Variants in TM9SF4 observed in about 807,000 individuals in gnomAD.
The protein encoded by TM9SF4 is dinucleotide oxidase disulfide thiol exchanger 3 superfamily member 4.
Under a neutral mutation model 90.4 loss-of-function variants are expected in TM9SF4, and 26 were observed. The observed-to-expected ratio is 0.29, with a 90% CI of 0.21 to 0.40. TM9SF4 has a LOEUF of 0.40. Ranked by LOEUF, TM9SF4 falls within the 10% of genes least tolerant of loss-of-function variation. TM9SF4 has a pLI of 1.00. For synonymous variants in TM9SF4, 293 were observed against 315.4 expected (o/e 0.93, Z 0.75); for missense variants, 549 against 834.8 (o/e 0.66, Z 4.22).
chr20:32,126,416 G>A (rs1023960482), intron 1 of TM9SF4, among the ~76,000 whole-genome samples: 44 of 152,160 alleles, frequency 2.9e-4, no homozygotes, highest in Non-Finnish European at 4.4e-5. Context: ...AGGCCTTTGC[G>A]TCTGTGTTTT....
chr20:32,146,708 T>C, intron 8 of TM9SF4, 77 bp from the exon 9 acceptor site: 2 of 1,443,650 alleles, frequency 1.4e-6, no homozygotes, highest in Non-Finnish European at 1.9e-6. Context: ...CAGTAAAACA[T>C]CATGTCTAGG....
At chr20:32,164,031 C>T (rs2047065426) in intron 17 of TM9SF4, among the ~76,000 whole-genome samples, 1 of 152,140 alleles carries the variant, frequency 6.6e-6, no homozygotes, top group Admixed American at 6.5e-5. Context: ...ATCACAGCCT[C>T]TTGTCCTTCC....
In TM9SF4 at chr20:32,145,370, A is replaced by G; in HGVS notation, c.830A>G (p.Gln277Arg). ...ACTTACCTGACCATGAGTGACGTCCAGATCCACTGGTTTTCTATCATTAAC... is the reference window on the plus strand; with the variant it reads ...ACTTACCTGACCATGAGTGACGTCCGGATCCACTGGTTTTCTATCATTAAC... ...WDTYLTMSDV[Q>R]IHWFSIINSV... is the part of the protein sequence containing the mutation. Residue 277 changes from glutamine to arginine, a missense_variant, in exon 8 of 18, where the codon CAG becomes CGG. By Grantham distance (43) the Gln-to-Arg change is conservative. Coordinates refer to ENST00000398022, the MANE Select transcript of TM9SF4 (RefSeq NM_014742.4). 1 of 1,614,230 alleles carries G rather than the reference A, an allele frequency of 6.2e-7. No individual in the cohort carries two copies. The highest frequency in any genetic ancestry group is 8.5e-7 in the Non-Finnish European group (1 of 1,180,050).
intron 13 of TM9SF4, 88 bp from the exon 14 acceptor site, chr20:32,157,706 G>A (rs2046949187): frequency 2.0e-6 from 3 of 1,522,990 alleles, no homozygotes; most frequent in Middle Eastern, 2.0e-4. Context: ...CTCTCCTTCT[G>A]TGGAGCCCAG....
At chr20:32,133,976 T>C (rs1472903124) in intron 2 of TM9SF4, among the ~76,000 whole-genome samples, 2 of 150,828 alleles carry the variant, frequency 1.3e-5, no homozygotes, top group East Asian at 3.9e-4. Context: ...CTGGCTAATT[T>C]TTTTTTTTTT....
intron 1 of TM9SF4, among the ~76,000 whole-genome samples, chr20:32,115,686 A>G (rs926909597): frequency 3.3e-5 from 5 of 151,106 alleles, no homozygotes; most frequent in African/African-American, 1.2e-4. Context: ...CACTGTGATT[A>G]CTTTTGTGAC....
chr20:32,161,721 A>G (rs1372454568), intron 17 of TM9SF4, among the ~76,000 whole-genome samples: 1 of 152,236 alleles, frequency 6.6e-6, no homozygotes, highest in African/African-American at 2.4e-5. Flanking sequence ...AAAGGAAAAG[A>G]TAAGAGTAAC....
At chr20:32,134,837 C>T (rs1600807486) in intron 2 of TM9SF4, among the ~76,000 whole-genome samples, 2 of 151,798 alleles carry the variant, frequency 1.3e-5, no homozygotes, top group South Asian at 2.1e-4. Flanking sequence ...CATGCCCAGC[C>T]GATTTTTGCA....
chr20:32,161,293 G>A lies in TM9SF4; in HGVS notation c.1707G>A (p.Trp569Ter). The A allele has an allele frequency of 6.2e-7, 1 of 1,613,900 alleles. No individual in the cohort carries two copies. The highest frequency in any genetic ancestry group is 8.5e-7 in the Non-Finnish European group (1 of 1,180,012). ...CTCCTCAGGATTACCGCTGGTGGTG[G>A]AGAAATTTCCTAGTCTCCGGGGGCT... is the stretch of plus-strand genomic sequence containing the variant. ...QLCAEDYRWW[W>*]RNFLVSGGSA... is the part of the protein sequence containing the mutation. Residue 569 changes from tryptophan to a stop codon, truncating the protein, a stop_gained, in exon 17 of 18, where the codon TGG (tryptophan) becomes TGA (stop). Transcript: ENST00000398022. LOFTEE classifies it high-confidence loss of function.
At chr20:32,165,155 C>G in intron 17 of TM9SF4, 140 bp from the exon 18 acceptor site, 1 of 1,082,516 alleles carries the variant, frequency 9.2e-7, no homozygotes, top group Non-Finnish European at 1.4e-6. Context: ...CCCTGCCTGC[C>G]GCTTGCCACC....
chr20:32,114,902 T>C (rs992805754), intron 1 of TM9SF4, among the ~76,000 whole-genome samples: 2 of 152,244 alleles, frequency 1.3e-5, no homozygotes, highest in African/African-American at 4.8e-5. Flanking sequence ...TTTCCACATA[T>C]GTCATGTGTG....
intron 12 of TM9SF4, 90 bp downstream of exon 12, chr20:32,150,965 G>A (rs2046833441): frequency 6.7e-7 from 1 of 1,498,140 alleles, no homozygotes; most frequent in East Asian, 2.4e-5. Flanking sequence ...TCCTGGTGGG[G>A]ATTTTTGGGC....
At chr20:32,131,019 A>C (rs1324319877) in intron 1 of TM9SF4, among the ~76,000 whole-genome samples, 3 of 152,200 alleles carry the variant, frequency 2.0e-5, no homozygotes, top group African/African-American at 7.2e-5. Flanking sequence ...TTCTTTTAAA[A>C]AAAAATGACA....
intron 12 of TM9SF4, among the ~76,000 whole-genome samples, chr20:32,151,621 T>C (rs1419376693): frequency 6.6e-6 from 1 of 152,214 alleles, no homozygotes; most frequent in Non-Finnish European, 1.5e-5. Flanking sequence ...AGAAAAGTTG[T>C]GACCGTGACT....
chr20:32,113,526 T>C (rs916285233), intron 1 of TM9SF4, among the ~76,000 whole-genome samples: 31 of 152,324 alleles, frequency 2.0e-4, no homozygotes, highest in African/African-American at 5.8e-4. Context: ...TATTATTTCA[T>C]TGAAACTTGG....
intron 1 of TM9SF4, among the ~76,000 whole-genome samples, chr20:32,116,862 CTTTTTTTTTTTTTTTTT>C (rs201365030): frequency 3.1e-5 from 3 of 95,852 alleles, no homozygotes; most frequent in East Asian, 2.7e-4. Context: ...TTTCCTTTTT[CTTTTTTTTTTTTTTTTT>C]TTTTTTTTTG....
chr20:32,117,301 C>G (rs892885515), intron 1 of TM9SF4, among the ~76,000 whole-genome samples: 4 of 150,220 alleles, frequency 2.7e-5, no homozygotes, highest in African/African-American at 9.8e-5. Context: ...AAGGAAAATG[C>G]TGCTTTTGCA....
At chr20:32,143,173 G>A (rs1023794225) in intron 6 of TM9SF4, 68 bp downstream of exon 6, 24 of 1,572,634 alleles carry the variant, frequency 1.5e-5, no homozygotes, top group Middle Eastern at 2.1e-4. Context: ...CAGGGTCTTC[G>A]CACTCTTCTC....
intron 3 of TM9SF4, 70 bp from the exon 4 acceptor site, chr20:32,141,427 T>C (rs555961471): frequency 2.5e-5 from 40 of 1,576,904 alleles, no homozygotes; most frequent in Middle Eastern, 3.4e-4. Context: ...GTCCTGTGTC[T>C]CTGTGACTCT....
Sources: gnomAD v4.1 joint callset for allele counts (sites outside exome capture counted in the v4.1 genomes callset) on GRCh38, gnomAD v4.1.1 for gene constraint, MANE v1.5 for transcripts, NCBI Gene and HGNC (gene_info 2026-07-23, HGNC 2026-07-21) for gene names.